Variants in EFCAB6 observed in about 807,000 individuals in gnomAD.
EFCAB6 encodes the protein EF-hand calcium-binding domain-containing protein 6.
EFCAB6 carries 156 observed loss-of-function variants against 169.8 expected under a neutral mutation model. The ratio of observed to expected loss-of-function variants is 0.92; its 90% CI spans 0.81 to 1.05. EFCAB6 has a LOEUF of 1.05. EFCAB6 is among the 50% of genes least tolerant of loss of function. The pLI, the probability that EFCAB6 is intolerant of heterozygous loss-of-function variation, is 0.00. For synonymous variants in EFCAB6, 698 were observed against 676.4 expected (o/e 1.03, Z -0.50); for missense variants, 1,800 against 1,829.1 (o/e 0.98, Z 0.29).
intron 17 of EFCAB6, among the ~76,000 whole-genome samples, chr22:43,661,892 G>T (rs1044916332): frequency 1.3e-5 from 2 of 152,172 alleles, no homozygotes; most frequent in Admixed American, 1.3e-4. Context: ...CGAGGCGGGT[G>T]GATCACCTGA....
intron 8 of EFCAB6, among the ~76,000 whole-genome samples, chr22:43,729,496 A>G (rs1468959777): frequency 6.6e-6 from 1 of 152,244 alleles, no homozygotes; most frequent in South Asian, 2.1e-4. Context: ...TAAAAAGTCA[A>G]TAGAAGAAGT....
At chr22:43,674,108 TG>T (rs1359104087) in intron 13 of EFCAB6, among the ~76,000 whole-genome samples, 1 of 152,200 alleles carries the variant, frequency 6.6e-6, no homozygotes, top group African/African-American at 2.4e-5. Flanking sequence ...TCAATAAAGC[TG>T]TTTTTAAAAA....
intron 17 of EFCAB6, among the ~76,000 whole-genome samples, chr22:43,639,844 A>T (rs1417250863): frequency 6.6e-6 from 1 of 151,560 alleles, no homozygotes; most frequent in Non-Finnish European, 1.5e-5. Flanking sequence ...CTTTTAAAAA[A>T]TTTTTCTCTC....
At chr22:43,569,066 A>G (rs989958299) in intron 26 of EFCAB6, among the ~76,000 whole-genome samples, 1 of 152,202 alleles carries the variant, frequency 6.6e-6, no homozygotes, top group Non-Finnish European at 1.5e-5. Flanking sequence ...TACTTCCGGC[A>G]GAGCTTGCCT....
intron 10 of EFCAB6, among the ~76,000 whole-genome samples, chr22:43,702,575 T>C (rs1445132200): frequency 6.6e-6 from 1 of 152,204 alleles, no homozygotes; most frequent in African/African-American, 2.4e-5. Flanking sequence ...ACGCCCAGCT[T>C]CCTGGCATTC....
rs562609243 is a variant in EFCAB6, at chr22:43,744,422, A to C, written c.508-8429T>G. Among the ~76,000 whole-genome samples the C allele has an allele frequency of 5.4e-4, 83 of 152,340 alleles. No individual in the cohort carries two copies. The highest frequency in any genetic ancestry group is 1.1e-3 in the Non-Finnish European group (77 of 68,030). On this transcript the variant is annotated intron_variant, in intron 6 of 31. Transcript: ENST00000262726. This position sits in a 1 kb window ranked among gnomAD's most constrained non-coding sequence, Gnocchi z 4.3. ...GGAAGAGGAACTGAGACTCAGACAGACACAGCAGAGCAAGGCAGAAGCAGC... is the reference window on the plus strand; with the variant it reads ...GGAAGAGGAACTGAGACTCAGACAGCCACAGCAGAGCAAGGCAGAAGCAGC...
intron 10 of EFCAB6, among the ~76,000 whole-genome samples, chr22:43,697,066 G>GCC (rs2058602058): frequency 1.3e-5 from 2 of 152,244 alleles, no homozygotes; most frequent in South Asian, 4.1e-4. Context: ...ATAAATCAAG[G>GCC]ACATGTAAAT....
chr22:43,622,801 A>G (rs1017094979), intron 20 of EFCAB6, among the ~76,000 whole-genome samples: 1 of 152,200 alleles, frequency 6.6e-6, no homozygotes, highest in African/African-American at 2.4e-5. Context: ...ACCTGGCAGG[A>G]TGAGATAATG....
chr22:43,722,607 G>T (rs935668327), intron 8 of EFCAB6, among the ~76,000 whole-genome samples: 2 of 152,142 alleles, frequency 1.3e-5, no homozygotes, highest in African/African-American at 4.8e-5. Context: ...ATTGTTGGTG[G>T]GAATGTAAAT....
intron 27 of EFCAB6, among the ~76,000 whole-genome samples, chr22:43,544,415 G>A (rs979009392): frequency 6.6e-6 from 1 of 152,146 alleles, no homozygotes; most frequent in Non-Finnish European, 1.5e-5. Context: ...GCAGCTAGAA[G>A]GTACTGTGCC....
Position 43,687,694 on chromosome 22 carries a change from G to A in EFCAB6, c.1032-113C>T, listed in dbSNP as rs536184555. 341 of 562,802 alleles carry A rather than the reference G, an allele frequency of 6.1e-4. 1 individual carries two copies. In the African/African-American group the frequency reaches 6.2e-3, roughly 10 times the overall value. The allele number at this position is 562,802 out of a possible 1,614,324, so 34.9% of individuals were successfully genotyped here. A position where few individuals can be genotyped will look rare whatever the true frequency, so the allele number is the denominator to read the frequency against. ...AATGGCAGCAATGCATTTATATGAA[G>A]TTTCAAATCTAATATAAACAAAATC... On this transcript the variant is annotated intron_variant, in intron 10 of 31. Transcript: ENST00000262726.
At position 43,671,961 on chromosome 22, in the gene EFCAB6, C is replaced by CA. The variant is rs2057511169; in HGVS notation, c.1640+11dup. On this transcript the variant is annotated intron_variant, in intron 15 of 31. Coordinates refer to ENST00000262726, the MANE Select transcript of EFCAB6 (RefSeq NM_022785.4). ...AACACGACATGAATTAATTTTGTTA[C>CA]AAAAAACTTACTTTATGAAATGTGC... The CA allele has an allele frequency of 1.2e-6, 2 of 1,610,112 alleles. No individual in the cohort carries two copies. The highest frequency in any genetic ancestry group is 8.5e-7 in the Non-Finnish European group (1 of 1,178,732).
At chr22:43,535,522 C>T (rs1032666302) in intron 29 of EFCAB6, 1 of 152,256 alleles carries the variant, frequency 6.6e-6, no homozygotes, top group African/African-American at 2.4e-5. Flanking sequence ...GGCCGAGAGG[C>T]TGGCCCACCG....
chr22:43,547,342 G>A (rs1251550857), intron 27 of EFCAB6, among the ~76,000 whole-genome samples: 1 of 152,076 alleles, frequency 6.6e-6, no homozygotes, highest in Non-Finnish European at 1.5e-5. Flanking sequence ...ACTTTGTTTT[G>A]TTACATACGA....
intron 17 of EFCAB6, among the ~76,000 whole-genome samples, chr22:43,648,999 G>GA (rs1359871434): frequency 2.6e-5 from 4 of 151,800 alleles, no homozygotes; most frequent in African/African-American, 2.4e-5. Context: ...GTGTCCTCAG[G>GA]AAAGAACCAG....
intron 6 of EFCAB6, among the ~76,000 whole-genome samples, chr22:43,753,353 G>A (rs1448376077): frequency 1.3e-5 from 2 of 152,218 alleles, no homozygotes; most frequent in Non-Finnish European, 2.9e-5. Context: ...GAATGCGCCA[G>A]GACTTAGCGT....
At position 43,672,119 on chromosome 22, in the gene EFCAB6, A is replaced by G. The variant is rs2057519058; in HGVS notation, c.1494T>C (p.Val498=). The stretch of plus-strand genomic sequence containing the variant: ...GTAGGTTCCTAGTAATTGTATCATG[A>G]ACAATTTCTTCCACCTAACATTAAA... ...LLAWDSVEEI[V]HDTITRNLQA... The change falls in exon 15 of 32, where the codon GTT becomes GTC. Residue 498 remains valine (V), a synonymous_variant. Coordinates refer to ENST00000262726, the MANE Select transcript of EFCAB6 (RefSeq NM_022785.4). 2 of 1,613,416 alleles carry G rather than the reference A, an allele frequency of 1.2e-6. No homozygotes were observed. Among genetic ancestry groups the G allele is most frequent in the African/African-American group, 1.3e-5 (1 of 74,972 alleles).
At chr22:43,623,149 T>C (rs2054223088) in intron 20 of EFCAB6, among the ~76,000 whole-genome samples, 1 of 152,182 alleles carries the variant, frequency 6.6e-6, no homozygotes, top group Admixed American at 6.5e-5. Flanking sequence ...TTTCTAAGGA[T>C]AAAAAAGGAA....
At chr22:43,571,072 G>A (rs376937984) in intron 26 of EFCAB6, among the ~76,000 whole-genome samples, 24 of 152,218 alleles carry the variant, frequency 1.6e-4, no homozygotes, top group African/African-American at 4.8e-4. Flanking sequence ...GGAAGCCCGC[G>A]GCCCTTGCTG....
Sources: gnomAD v4.1 joint callset for allele counts (sites outside exome capture counted in the v4.1 genomes callset) on GRCh38, gnomAD v4.1.1 for gene constraint, Gnocchi (gnomAD v3.1) non-coding constraint, MANE v1.5 for transcripts, NCBI Gene and HGNC (gene_info 2026-07-23, HGNC 2026-07-21) for gene names.